Variants in COL4A5 observed in about 807,000 individuals in gnomAD.
COL4A5 encodes the protein collagen type IV alpha 5 chain.
Under a neutral mutation model 130.2 loss-of-function variants are expected in COL4A5, and 26 were observed. The ratio of observed to expected loss-of-function variants is 0.20; its 90% CI spans 0.15 to 0.28. COL4A5 has a LOEUF of 0.28. Ranked by LOEUF, COL4A5 falls within the 10% of genes least tolerant of loss-of-function variation. The pLI, the probability that COL4A5 is intolerant of heterozygous loss-of-function variation, is 1.00. For synonymous variants in COL4A5, 496 were observed against 439.6 expected (o/e 1.13, Z -1.60); for missense variants, 1,131 against 1,344.3 (o/e 0.84, Z 2.48).
In COL4A5 at chrX:108,628,014, A is replaced by T. The variant is rs189359365; in HGVS notation, c.3246+1665A>T. 8.7e-4 allele frequency among the ~76,000 whole-genome samples: 96 copies of T among 110,908 alleles called. 1 individual carries two copies. Among genetic ancestry groups the T allele is most frequent in the African/African-American group, 3.0e-3 (93 of 30,775 alleles). ...GATGTTTTCTCATATTTTAATTAAT[A>T]TATACAAAATTATACTATACATCTG... On this transcript the variant is annotated intron_variant, in intron 36 of 52. Coordinates refer to ENST00000328300, the MANE Select transcript of COL4A5 (RefSeq NM_033380.3).
intron 43 of COL4A5, among the ~76,000 whole-genome samples, chrX:108,676,324 T>C (rs781698143): frequency 3.0e-4 from 34 of 111,629 alleles, no homozygotes; most frequent in African/African-American, 8.5e-4. Context: ...ATTTAGGGTT[T>C]TGTAATTATT....
chrX:108,522,205 A>AC (rs1178859091), intron 1 of COL4A5, among the ~76,000 whole-genome samples: 1 of 109,633 alleles, frequency 9.1e-6, no homozygotes, highest in Non-Finnish European at 1.9e-5. Context: ...TTTTCAGTTC[A>AC]TTTTTTCATG....
intron 2 of COL4A5, among the ~76,000 whole-genome samples, chrX:108,557,987 C>G (rs906563933): frequency 1.8e-5 from 2 of 108,153 alleles, no homozygotes; most frequent in Non-Finnish European, 3.8e-5. Context: ...AGGTTTGTTA[C>G]ATATGTATAC....
chrX:108,538,630 T>G (rs184372451), intron 1 of COL4A5, among the ~76,000 whole-genome samples: 3 of 111,654 alleles, frequency 2.7e-5, no homozygotes, highest in African/African-American at 9.7e-5. Context: ...TAAGGTATTT[T>G]ATATCAAAGG....
intron 16 of COL4A5, among the ~76,000 whole-genome samples, chrX:108,582,076 T>A (rs2066259476): frequency 9.0e-6 from 1 of 111,298 alleles, no homozygotes; most frequent in African/African-American, 3.3e-5. Context: ...TAAGTTATTC[T>A]AAGGGAAAAG....
At chrX:108,573,715 C>T (rs1364672650) in intron 9 of COL4A5, 61 bp downstream of exon 9, 2 of 772,341 alleles carry the variant, frequency 2.6e-6, no homozygotes, top group African/African-American at 2.1e-5. Flanking sequence ...TTACAACAAT[C>T]CCTCAACCTT....
At chrX:108,602,815 AG>A in intron 27 of COL4A5, 148 bp from the exon 28 acceptor site, 1 of 473,019 alleles carries the variant, frequency 2.1e-6, no homozygotes. Flanking sequence ...GAGGATTGTA[AG>A]GCTTAATCCT....
At chrX:108,625,636 C>A in intron 34 of COL4A5, 69 bp from the exon 35 acceptor site, 1 of 647,760 alleles carries the variant, frequency 1.5e-6, no homozygotes, top group Non-Finnish European at 2.6e-6. Flanking sequence ...AATGACTATC[C>A]ATTCCCATGA....
At chrX:108,461,306 G>A (rs1471738308) in intron 1 of COL4A5, among the ~76,000 whole-genome samples, 1 of 105,466 alleles carries the variant, frequency 9.5e-6, no homozygotes, top group Admixed American at 9.7e-5. Flanking sequence ...ATATGGAAAA[G>A]GAGGCATTTT....
intron 25 of COL4A5, among the ~76,000 whole-genome samples, chrX:108,599,960 T>C (rs1194787305): frequency 8.9e-6 from 1 of 112,371 alleles, no homozygotes; most frequent in East Asian, 2.8e-4. Context: ...AGACCAATTG[T>C]ACCAATTTTT....
At chrX:108,639,040 C>T (rs996376608) in intron 36 of COL4A5, among the ~76,000 whole-genome samples, 9 of 110,179 alleles carry the variant, frequency 8.2e-5, no homozygotes, top group African/African-American at 1.3e-4. Flanking sequence ...TTTCCAGAAA[C>T]GAAAAACTTA....
chrX:108,441,710 T>A (rs972844212), intron 1 of COL4A5, among the ~76,000 whole-genome samples: 14 of 112,236 alleles, frequency 1.2e-4, no homozygotes, highest in African/African-American at 4.5e-4. Context: ...TGAAAATAGT[T>A]CATTTTAAAA....
intron 4 of COL4A5, among the ~76,000 whole-genome samples, chrX:108,568,087 C>T (rs1019235458): frequency 8.9e-6 from 1 of 111,970 alleles, no homozygotes; most frequent in Non-Finnish European, 1.9e-5. Context: ...AGGGCAAATG[C>T]ATGGGTAATT....
At chrX:108,640,948 T>A (rs1026742061) in intron 36 of COL4A5, among the ~76,000 whole-genome samples, 9 of 111,684 alleles carry the variant, frequency 8.1e-5, no homozygotes, top group Admixed American at 5.7e-4. Context: ...AAGAAAGATG[T>A]ACAAATGGCC....
intron 3 of COL4A5, among the ~76,000 whole-genome samples, chrX:108,560,377 T>C (rs2065883079): frequency 8.9e-6 from 1 of 112,683 alleles, no homozygotes; most frequent in African/African-American, 3.2e-5. Flanking sequence ...AGCAGGCAGC[T>C]AAGGGCTATA....
At chrX:108,563,400 C>T (rs2065925044) in intron 3 of COL4A5, among the ~76,000 whole-genome samples, 2 of 110,709 alleles carry the variant, frequency 1.8e-5, no homozygotes, top group South Asian at 7.6e-4. Context: ...TACGCTCTGC[C>T]AATACAAAGT....
At chrX:108,650,164 GA>G (rs113820603) in intron 36 of COL4A5, among the ~76,000 whole-genome samples, 135 of 110,930 alleles carry the variant, frequency 1.2e-3, no homozygotes, top group African/African-American at 3.8e-3. Context: ...AAAAACATAT[GA>G]AAAAAAATGC....
intron 25 of COL4A5, among the ~76,000 whole-genome samples, chrX:108,599,465 G>GTC (rs1804168242): frequency 9.0e-6 from 1 of 111,322 alleles, no homozygotes; most frequent in Admixed American, 9.6e-5. Flanking sequence ...TTATGTGTGT[G>GTC]TGTGTGTGTG....
chrX:108,540,561 G>A (rs943847319), intron 2 of COL4A5, among the ~76,000 whole-genome samples: 2 of 110,926 alleles, frequency 1.8e-5, no homozygotes, highest in African/African-American at 3.3e-5. Context: ...AGCAGTTCTC[G>A]TGCCTCAGCC....
Sources: allele counts gnomAD v4.1 joint callset (sites outside exome capture counted in the v4.1 genomes callset), GRCh38; gene constraint gnomAD v4.1.1; transcripts MANE v1.5; gene names NCBI Gene and HGNC (gene_info 2026-07-23, HGNC 2026-07-21).